Variants in ALMS1 observed in about 807,000 individuals in gnomAD.
The protein encoded by ALMS1 is ALMS1 centrosome and basal body associated protein.
ALMS1 carries 271 observed loss-of-function variants against 352.2 expected under a neutral mutation model. The ratio of observed to expected loss-of-function variants is 0.77; its 90% confidence interval spans 0.70 to 0.85. ALMS1 has a LOEUF of 0.85. Among genes scored for constraint, ALMS1 ranks in the 40% least tolerant of loss-of-function variants. The pLI is 0.00. For missense variants in ALMS1, 5,445 were observed against 4,870.7 expected (o/e 1.12, Z -3.51); for synonymous variants, 1,865 against 1,761.2 (o/e 1.06, Z -1.48).
At chr2:73,599,848 T>G (rs1482733682) in intron 17 of ALMS1, among the ~76,000 whole-genome samples, 2 of 152,248 alleles carry the variant, frequency 1.3e-5, no homozygotes, top group African/African-American at 2.4e-5. Context: ...ATATGTGGAA[T>G]TTAACCTATA....
chr2:73,432,639 G>GT (rs148135948), intron 7 of ALMS1, among the ~76,000 whole-genome samples: 6,720 of 152,106 alleles, frequency 0.044, 382 homozygotes, highest in African/African-American at 0.11. Context: ...CTCTGGAGTC[G>GT]TTTTTTGTAA....
At chr2:73,586,235 A>C (rs1558705010) in intron 16 of ALMS1, among the ~76,000 whole-genome samples, 1 of 151,954 alleles carries the variant, frequency 6.6e-6, no homozygotes, top group Middle Eastern at 3.4e-3. Flanking sequence ...TTTGCTGATT[A>C]TTTCTTTTGA....
rs747216050 is a variant in ALMS1, at chr2:73,451,258, G to T, written c.4731G>T (p.Pro1577=). 2.5e-6 allele frequency: 4 copies of T among 1,610,696 alleles called. No homozygotes were observed. The South Asian group carries it at 3.3e-5, about 13-fold the overall frequency. ...TSTSYSFGEK[P]IVNYKQAFPD... is the part of the protein sequence containing the mutation. Reference sequence around the variant, plus strand: ...CTTCCTACTCATTTGGAGAGAAGCCGATTGTTAACTACAAACAGGCCTTTC... The same window carrying T: ...CTTCCTACTCATTTGGAGAGAAGCCTATTGTTAACTACAAACAGGCCTTTC... Residue 1577 remains proline, a synonymous_variant, in exon 8 of 23, where the codon CCG becomes CCT. Transcript: ENST00000613296.
At chr2:73,605,036 T>C (rs544122145) in intron 21 of ALMS1, among the ~76,000 whole-genome samples, 2 of 152,298 alleles carry the variant, frequency 1.3e-5, no homozygotes, top group East Asian at 3.9e-4. Flanking sequence ...TATGCCATGG[T>C]TTGTGTCGTG....
chr2:73,572,844 G>A lies in ALMS1; in HGVS notation c.10967G>A (p.Gly3656Glu). 6.2e-7 allele frequency: 1 copy of A among 1,614,048 alleles called. No individual in the cohort carries two copies. The highest frequency in any genetic ancestry group is 1.1e-5 in the South Asian group (1 of 91,070). The change falls in exon 16 of 23, where the codon GGG (glycine) becomes GAG (glutamate). Residue 3656 changes from glycine to glutamate, a missense_variant. Physicochemically the swap from Gly to Glu is moderately conservative, Grantham distance 98. Coordinates refer to ENST00000613296, the MANE Select transcript of ALMS1 (RefSeq NM_001378454.1). ...VSESTHDDSR[G>E]ERSVKEWSGR... ...GAAAGTACACATGATGATAGCAGAG[G>A]GGAACGAAGTGTGAAGGAATGGAGT...
At chr2:73,556,744 C>T (rs1674553152) in intron 13 of ALMS1, among the ~76,000 whole-genome samples, 1 of 151,618 alleles carries the variant, frequency 6.6e-6, no homozygotes, top group African/African-American at 2.4e-5. Context: ...TCACTGTCGC[C>T]CCGGCTGGAG....
chr2:73,464,949 TA>T (rs1370500827), intron 9 of ALMS1, among the ~76,000 whole-genome samples: 1 of 152,002 alleles, frequency 6.6e-6, no homozygotes, highest in African/African-American at 2.4e-5. Context: ...TAAAAGAGGA[TA>T]CAAACAAATG....
chr2:73,417,830 A>G (rs1305929480), intron 2 of ALMS1, among the ~76,000 whole-genome samples: 2 of 152,222 alleles, frequency 1.3e-5, no homozygotes, highest in South Asian at 2.1e-4. Flanking sequence ...CTAATATTAA[A>G]TTCAAAAGGA....
intron 6 of ALMS1, among the ~76,000 whole-genome samples, chr2:73,431,091 T>C (rs1671491205): frequency 6.6e-6 from 1 of 152,044 alleles, no homozygotes; most frequent in Non-Finnish European, 1.5e-5. Flanking sequence ...CTGAGTATTG[T>C]AGGATGTTTT....
intron 2 of ALMS1, among the ~76,000 whole-genome samples, chr2:73,418,725 A>C (rs1297974473): frequency 2.0e-5 from 3 of 152,228 alleles, no homozygotes; most frequent in African/African-American, 7.2e-5. Context: ...AATATTCAAA[A>C]GAGAGCTACA....
intron 10 of ALMS1, among the ~76,000 whole-genome samples, chr2:73,514,064 G>A (rs980375668): frequency 6.6e-6 from 1 of 152,082 alleles, no homozygotes; most frequent in Admixed American, 6.6e-5. Flanking sequence ...GTTACTTTGT[G>A]ATTAATATAT....
intron 16 of ALMS1, among the ~76,000 whole-genome samples, chr2:73,587,442 G>T (rs1244234238): frequency 2.6e-5 from 4 of 152,144 alleles, no homozygotes; most frequent in Non-Finnish European, 1.5e-5. Context: ...TTACCTTAAG[G>T]TATGTCCTTT....
At chr2:73,606,522 C>T (rs541646628) in intron 21 of ALMS1, among the ~76,000 whole-genome samples, 3 of 152,306 alleles carry the variant, frequency 2.0e-5, no homozygotes, top group African/African-American at 4.8e-5. Context: ...ATGCTTTCGA[C>T]GAGAAATATA....
chr2:73,484,779 T>C (rs1477686957), intron 9 of ALMS1, among the ~76,000 whole-genome samples: 7 of 152,316 alleles, frequency 4.6e-5, no homozygotes, highest in Admixed American at 3.3e-4. Context: ...CATTTCTTTT[T>C]ATTCTTTTTT....
At chr2:73,489,229 C>T (rs1032848837) in intron 9 of ALMS1, among the ~76,000 whole-genome samples, 5 of 152,264 alleles carry the variant, frequency 3.3e-5, no homozygotes, top group Admixed American at 2.6e-4. Flanking sequence ...ATTCATATCC[C>T]ATTGGTGTCA....
intron 1 of ALMS1, among the ~76,000 whole-genome samples, chr2:73,400,685 C>T (rs565534546): frequency 2.0e-5 from 3 of 152,180 alleles, no homozygotes; most frequent in South Asian, 2.1e-4. Flanking sequence ...TTTAAGAAAT[C>T]GTTCATTTTA....
At chr2:73,603,092 C>A in intron 20 of ALMS1, 149 bp from the exon 21 acceptor site, 2 of 731,962 alleles carry the variant, frequency 2.7e-6, no homozygotes, top group Non-Finnish European at 2.5e-6. Context: ...CCTAGTCTTA[C>A]ACTGGCTTGC....
rs1672005585 is a variant in ALMS1 at position 73,453,936 on chromosome 2, A to G, written c.7409A>G (p.Asp2470Gly). Residue 2470 changes from aspartate to glycine, a missense_variant, in exon 8 of 23, where the codon GAT becomes GGT. Transcript: ENST00000613296. ...GAAGAGGGTGTGTCAGAGAGTGAGG[A>G]TGGTGGTGGTAGCAGTGTAGATTCA... ...REEEGVSESEDGGGSSVDSLA... is the reference protein window; with the variant it reads ...REEEGVSESEGGGGSSVDSLA... The G allele has an allele frequency of 6.2e-7, 1 of 1,614,022 alleles. No homozygotes were observed.
At chr2:73,398,500 T>G (rs1670811288) in intron 1 of ALMS1, among the ~76,000 whole-genome samples, 1 of 152,156 alleles carries the variant, frequency 6.6e-6, no homozygotes, top group Non-Finnish European at 1.5e-5. Context: ...GGGATTTTGA[T>G]TGGGATTGCG....
Sources: allele counts gnomAD v4.1 joint callset (sites outside exome capture counted in the v4.1 genomes callset), GRCh38; gene constraint gnomAD v4.1.1; transcripts MANE v1.5; gene names NCBI Gene and HGNC (gene_info 2026-07-23, HGNC 2026-07-21).